KAT2B: variants seen among roughly 807,000 people sequenced by gnomAD.
The protein encoded by KAT2B is lysine acetyltransferase 2B.
Under a neutral mutation model 105.9 loss-of-function variants are expected in KAT2B, and 36 were observed. That is an observed-to-expected ratio of 0.34 (90% confidence interval 0.26 to 0.45). The LOEUF (loss-of-function observed/expected upper bound fraction) is 0.45, where lower values mean the gene tolerates loss of function less well. Ranked by LOEUF, KAT2B falls within the 20% of genes least tolerant of loss-of-function variation. The pLI, the probability that KAT2B is intolerant of heterozygous loss-of-function variation, is 1.00. For synonymous variants in KAT2B, 397 were observed against 377.9 expected (o/e 1.05, Z -0.59); for missense variants, 820 against 1,021.6 (o/e 0.80, Z 2.69).
At chr3:20,045,373 C>T (rs1039528881) in intron 1 of KAT2B, among the ~76,000 whole-genome samples, 4 of 150,430 alleles carry the variant, frequency 2.7e-5, no homozygotes, top group Non-Finnish European at 5.9e-5. Flanking sequence ...ATTTTAGAGA[C>T]AGGGTCTTGC....
intron 3 of KAT2B, among the ~76,000 whole-genome samples, chr3:20,098,215 G>C (rs931998189): frequency 6.8e-6 from 1 of 146,438 alleles, no homozygotes; most frequent in Admixed American, 6.9e-5. Flanking sequence ...GGCCGACAGA[G>C]TGAGACAACG....
intron 8 of KAT2B, among the ~76,000 whole-genome samples, chr3:20,122,402 G>T (rs1460359922): frequency 6.6e-6 from 1 of 152,190 alleles, no homozygotes. Context: ...TGCATTTGCA[G>T]ATGAAGGAAC....
At chr3:20,073,660 A>G (rs1698366054) in intron 2 of KAT2B, among the ~76,000 whole-genome samples, 1 of 152,248 alleles carries the variant, frequency 6.6e-6, no homozygotes, top group Non-Finnish European at 1.5e-5. Context: ...CACTCAATAC[A>G]GAGCAAAAAT....
In KAT2B at chr3:20,119,676, G is replaced by GC; in HGVS notation, c.1230dup (p.Ser411GlnfsTer12). On this transcript the variant is annotated frameshift_variant, in exon 8 of 18. Coordinates refer to ENST00000263754, the MANE Select transcript of KAT2B (RefSeq NM_003884.5). LOFTEE classifies it high-confidence loss of function. ...TCCCTTGAGCAGCCAAACGCAGGGA[G>GC]CAGCAGTCCTGCCTGCAAAGCCTCT... The GC allele has an allele frequency of 6.2e-7, 1 of 1,614,088 alleles. No individual in the cohort carries two copies.
chr3:20,143,939 C>T (rs1699737747), intron 13 of KAT2B, among the ~76,000 whole-genome samples: 1 of 152,280 alleles, frequency 6.6e-6, no homozygotes, highest in African/African-American at 2.4e-5. Flanking sequence ...GTACTGTGCT[C>T]ACTACTTGGG....
At chr3:20,126,537 A>T (rs1175216590) in intron 10 of KAT2B, among the ~76,000 whole-genome samples, 1 of 151,538 alleles carries the variant, frequency 6.6e-6, no homozygotes, top group Non-Finnish European at 1.5e-5. Context: ...AAAACAAAAA[A>T]CTAGGCCGGG....
At chr3:20,118,859 G>T (rs1019789547) in intron 7 of KAT2B, among the ~76,000 whole-genome samples, 15 of 149,632 alleles carry the variant, frequency 1.0e-4, no homozygotes, top group African/African-American at 3.4e-4. Context: ...CAAACATCAT[G>T]CCCCTTTAGT....
intron 1 of KAT2B, among the ~76,000 whole-genome samples, chr3:20,046,337 T>C (rs996615447): frequency 6.6e-6 from 1 of 152,056 alleles, no homozygotes; most frequent in Non-Finnish European, 1.5e-5. Flanking sequence ...ATCCCAGCAG[T>C]TTGGGTGGCC....
chr3:20,100,318 G>A (rs1165340568), intron 4 of KAT2B, among the ~76,000 whole-genome samples: 1 of 152,136 alleles, frequency 6.6e-6, no homozygotes, highest in East Asian at 1.9e-4. Flanking sequence ...AGCCTATTGA[G>A]GTGAGGGGAT....
rs776993968 is a variant in KAT2B at position 20,152,353 on chromosome 3, G to A, written c.2327G>A (p.Arg776His). The A allele has an allele frequency of 3.7e-6, 6 of 1,611,786 alleles. No individual in the cohort carries two copies. Among genetic ancestry groups the A allele is most frequent in the African/African-American group, 1.3e-5 (1 of 74,726 alleles). ...GCAGATCTGAAAACCATGAGTGAAC[G>A]CCTCAAGAATAGGTACTACGTGTCT... ...FPMDLKTMSERLKNRYYVSKK... is the reference protein window; with the variant it reads ...FPMDLKTMSEHLKNRYYVSKK... Residue 776 changes from arginine (R) to histidine (H), a missense_variant, in exon 18 of 18, where the codon CGC becomes CAC. Physicochemically the swap from Arg to His is conservative, Grantham distance 29 (BLOSUM62 0). Transcript: ENST00000263754.
At chr3:20,118,869 T>C (rs1317586387) in intron 7 of KAT2B, among the ~76,000 whole-genome samples, 2 of 151,152 alleles carry the variant, frequency 1.3e-5, no homozygotes, top group African/African-American at 4.8e-5. Flanking sequence ...GCCCCTTTAG[T>C]AATTTTGATG....
intron 1 of KAT2B, among the ~76,000 whole-genome samples, chr3:20,045,753 G>C (rs1697798600): frequency 6.6e-6 from 1 of 152,164 alleles, no homozygotes; most frequent in Admixed American, 6.6e-5. Context: ...CAAATTTTGG[G>C]ATATCCAGCT....
At chr3:20,105,999 A>T (rs1698995544) in intron 5 of KAT2B, among the ~76,000 whole-genome samples, 1 of 152,138 alleles carries the variant, frequency 6.6e-6, no homozygotes, top group South Asian at 2.1e-4. Context: ...AACACTAGGA[A>T]ACAGGAGATC....
chr3:20,051,641 C>T (rs1245841423), intron 1 of KAT2B, among the ~76,000 whole-genome samples: 1 of 152,168 alleles, frequency 6.6e-6, no homozygotes, highest in Admixed American at 6.5e-5. Context: ...TTCTCTAGAA[C>T]TACTTGCTGA....
chr3:20,078,907 C>T (rs1698468934), intron 2 of KAT2B, among the ~76,000 whole-genome samples: 1 of 147,608 alleles, frequency 6.8e-6, no homozygotes, highest in African/African-American at 2.5e-5. Flanking sequence ...AGGAGTCTCA[C>T]TCTGTTGCCC....
At chr3:20,056,320 C>T (rs570852460) in intron 1 of KAT2B, among the ~76,000 whole-genome samples, 1 of 152,154 alleles carries the variant, frequency 6.6e-6, no homozygotes, top group East Asian at 1.9e-4. Flanking sequence ...GGATAATGTC[C>T]AGGTTTTTGG....
chr3:20,073,526 TCA>T (rs1698364020), intron 2 of KAT2B, among the ~76,000 whole-genome samples: 1 of 152,194 alleles, frequency 6.6e-6, no homozygotes, highest in Non-Finnish European at 1.5e-5. Flanking sequence ...CAAGAAGTCA[TCA>T]CATTGGAATA....
At chr3:20,083,865 C>T (rs1698565118) in intron 2 of KAT2B, among the ~76,000 whole-genome samples, 1 of 151,914 alleles carries the variant, frequency 6.6e-6, no homozygotes, top group South Asian at 2.1e-4. Flanking sequence ...TTGAGGAGGG[C>T]CATGAGGAGT....
At chr3:20,067,740 TC>T (rs1376456058) in intron 1 of KAT2B, among the ~76,000 whole-genome samples, 1 of 152,062 alleles carries the variant, frequency 6.6e-6, no homozygotes, top group East Asian at 1.9e-4. Flanking sequence ...AGTGGTGCGA[TC>T]TTGGCTCACT....
Sources: gnomAD v4.1 joint callset for allele counts (sites outside exome capture counted in the v4.1 genomes callset) on GRCh38, gnomAD v4.1.1 for gene constraint, MANE v1.5 for transcripts, NCBI Gene and HGNC (gene_info 2026-07-23, HGNC 2026-07-21) for gene names.